Variants in ZNF605 observed in about 807,000 individuals in gnomAD.
ZNF605 encodes zinc finger protein 605.
A neutral mutation model predicts 7.9 loss-of-function variants in ZNF605; 9 were observed. The ratio of observed to expected loss-of-function variants is 1.14; its 90% CI spans 0.68 to 1.98. The LOEUF (loss-of-function observed/expected upper bound fraction) is 1.98, where lower values mean the gene tolerates loss of function less well. Ranked by LOEUF, ZNF605 falls within the 30% of genes most tolerant of loss-of-function variation. The pLI is 0.00. For missense variants in ZNF605, 673 were observed against 762.4 expected, an observed-to-expected ratio of 0.88 and a Z score of 1.38; for synonymous variants, 255 against 260.1, an observed-to-expected ratio of 0.98 and a Z score of 0.19.
At chr12:132,955,303 A>G (rs967148764) in intron 1 of ZNF605, among the ~76,000 whole-genome samples, 12 of 152,176 alleles carry the variant, frequency 7.9e-5, no homozygotes, top group Non-Finnish European at 1.5e-4. Flanking sequence ...GAGCGGGGAA[A>G]GCTTGACCCT....
chr12:132,953,933 C>T (rs1952602388), intron 1 of ZNF605, among the ~76,000 whole-genome samples: 1 of 152,038 alleles, frequency 6.6e-6, no homozygotes, highest in Non-Finnish European at 1.5e-5. Context: ...CCCACCCCAT[C>T]AGTCATTCAG....
intron 1 of ZNF605, 80 bp downstream of exon 1, chr12:132,956,162 AC>A (rs1952635962): frequency 6.6e-6 from 1 of 151,848 alleles, no homozygotes; most frequent in African/African-American, 2.4e-5. Context: ...CAGCGGGGTC[AC>A]CGCGATCCCC....
At chr12:132,947,502 G>A (rs1409087609) in intron 2 of ZNF605, among the ~76,000 whole-genome samples, 6 of 151,984 alleles carry the variant, frequency 3.9e-5, no homozygotes, top group East Asian at 3.9e-4. Flanking sequence ...TTGTAGAGAC[G>A]GGGTTTTGCC....
chr12:132,934,716 A>C (rs961698615), intron 3 of ZNF605, among the ~76,000 whole-genome samples: 33 of 129,410 alleles, frequency 2.6e-4, no homozygotes, highest in Middle Eastern at 3.6e-3. Context: ...AAAAAAAAAA[A>C]AAAAAAGATT....
intron 3 of ZNF605, among the ~76,000 whole-genome samples, chr12:132,939,029 C>G (rs1952401196): frequency 6.6e-6 from 1 of 151,518 alleles, no homozygotes. Context: ...CATGCCTGAG[C>G]CTCCCACCCA....
chr12:132,951,694 A>C (rs997186194), intron 1 of ZNF605, among the ~76,000 whole-genome samples: 2 of 152,052 alleles, frequency 1.3e-5, no homozygotes, highest in Non-Finnish European at 2.9e-5. Flanking sequence ...AAACTCAGAT[A>C]TACACGTACA....
Position 132,943,232 on chromosome 12 carries a change from G to A in ZNF605, c.15+2389C>T, listed in dbSNP as rs1038116540. 8.6e-5 allele frequency among the ~76,000 whole-genome samples: 13 copies of A among 152,016 alleles called. No homozygotes were observed. The South Asian group carries it at 1.3e-3, about 15-fold the overall frequency. ...AAAAAAATTAGCTGGGTGTGGTACC[G>A]CCTGTAGTCCCAGCTACTCGGGAGG... On this transcript the variant is annotated intron_variant, in intron 3 of 4. Coordinates refer to ENST00000360187, the MANE Select transcript of ZNF605 (RefSeq NM_183238.4).
chr12:132,927,172 GA>G lies in ZNF605; in HGVS notation c.137-11del, dbSNP rs1418784366. 8 of 1,521,472 alleles carry G rather than the reference GA, an allele frequency of 5.3e-6. No homozygotes were observed. In the African/African-American group the frequency reaches 9.8e-5, roughly 19 times the overall value. 94.2% of individuals were successfully genotyped at this position (1,521,472 alleles called of 1,614,324 possible). ...TTATCTAGCCAGACTTCTAAAAAGAGAAAAAAATGAACCATACTGTGTAATT... is the reference window on the plus strand; with the variant it reads ...TTATCTAGCCAGACTTCTAAAAAGAGAAAAAATGAACCATACTGTGTAATT... On this transcript the variant is annotated splice_polypyrimidine_tract_variant and intron_variant, in intron 4 of 4. Transcript: ENST00000360187.
intron 3 of ZNF605, among the ~76,000 whole-genome samples, chr12:132,943,682 C>T (rs1952469045): frequency 6.6e-6 from 1 of 152,140 alleles, no homozygotes; most frequent in African/African-American, 2.4e-5. Flanking sequence ...CTACTCCCAG[C>T]CCCTCCCTCC....
At chr12:132,935,548 A>T (rs1410750295) in intron 3 of ZNF605, among the ~76,000 whole-genome samples, 1 of 151,776 alleles carries the variant, frequency 6.6e-6, no homozygotes, top group East Asian at 1.9e-4. Flanking sequence ...TCACAAATAA[A>T]GATTCAAGAA....
rs1952223926 is a variant in ZNF605, at chr12:132,923,856, T to C, written c.*1517A>G. 6.6e-6 allele frequency: 1 copy of C among 152,194 alleles called. No homozygotes were observed. The highest frequency in any genetic ancestry group is 1.9e-4 in the East Asian group (1 of 5,198). 9.4% of individuals were successfully genotyped at this position (152,194 alleles called of 1,614,324 possible). ...CACTACTGTAATGGTTTTCCTATTCTCTTCCTCTTCTCTAAGTCTTTTTTT... is the reference window on the plus strand; with the variant it reads ...CACTACTGTAATGGTTTTCCTATTCCCTTCCTCTTCTCTAAGTCTTTTTTT... On this transcript the variant is annotated 3_prime_UTR_variant, in exon 5 of 5. Transcript: ENST00000360187.
chr12:132,927,515 G>C (rs1291163403), intron 4 of ZNF605, among the ~76,000 whole-genome samples: 1 of 151,924 alleles, frequency 6.6e-6, no homozygotes, highest in Non-Finnish European at 1.5e-5. Flanking sequence ...ACAGGCATGT[G>C]CCACCACACC....
At chr12:132,929,167 G>C (rs777628505) in intron 4 of ZNF605, among the ~76,000 whole-genome samples, 1 of 152,196 alleles carries the variant, frequency 6.6e-6, no homozygotes, top group East Asian at 1.9e-4. Flanking sequence ...CAGCACTTCA[G>C]GGGGCTGAGG....
At chr12:132,943,358 C>CAA (rs1331280015) in intron 3 of ZNF605, among the ~76,000 whole-genome samples, 12 of 98,078 alleles carry the variant, frequency 1.2e-4, no homozygotes, top group Non-Finnish European at 1.5e-4. Flanking sequence ...GACTCCATCT[C>CAA]AAAAAAAAAA....
rs1952441673 is a variant in ZNF605 at position 132,941,584 on chromosome 12, A to G, written c.15+4037T>C. Reference sequence around the variant, plus strand: ...GGGCGTCTGAGGAACCGTATCGCTCACGAGCAACAGGGTAACTGACTGTTG... The same window carrying G: ...GGGCGTCTGAGGAACCGTATCGCTCGCGAGCAACAGGGTAACTGACTGTTG... On this transcript the variant is annotated intron_variant, in intron 3 of 4. Transcript: ENST00000360187. The surrounding 1 kb of genome is among the most constrained non-coding windows in gnomAD (Gnocchi z 5.1). 6.6e-6 allele frequency among the ~76,000 whole-genome samples: 1 copy of G among 152,202 alleles called. No homozygotes were observed. The highest frequency in any genetic ancestry group is 1.5e-5 in the Non-Finnish European group (1 of 68,032).
chr12:132,949,170 A>G (rs1285649495), intron 1 of ZNF605, among the ~76,000 whole-genome samples: 2 of 152,144 alleles, frequency 1.3e-5, no homozygotes, highest in African/African-American at 4.8e-5. Flanking sequence ...TCATCCATAA[A>G]CACTGTGTTC....
At chr12:132,940,044 ACACT>A (rs1952419624) in intron 3 of ZNF605, among the ~76,000 whole-genome samples, 1 of 152,188 alleles carries the variant, frequency 6.6e-6, no homozygotes, top group Non-Finnish European at 1.5e-5. Flanking sequence ...AAGAGCTGTA[ACACT>A]CACCGCGAGG....
rs971231893 is a variant in ZNF605, at chr12:132,926,393, C to T, written c.906G>A (p.Ala302=). ...QKLKLITHQR[A]HTGEKPYPCS... is the part of the protein sequence containing the mutation. ...ATGGATAGGGTTTCTCTCCTGTGTG[C>T]GCTCTCTGATGTGTGATGAGTTTTA... The change falls in exon 5 of 5, where the codon GCG becomes GCA. Residue 302 remains alanine, a synonymous_variant. Coordinates refer to ENST00000360187, the MANE Select transcript of ZNF605 (RefSeq NM_183238.4). The T allele has an allele frequency of 3.7e-5, 60 of 1,613,734 alleles. No homozygotes were observed. The highest frequency in any genetic ancestry group is 2.0e-4 in the African/African-American group (15 of 74,890).
chr12:132,950,643 C>A (rs1399066202), intron 1 of ZNF605, among the ~76,000 whole-genome samples: 1 of 151,348 alleles, frequency 6.6e-6, no homozygotes, highest in Non-Finnish European at 1.5e-5. Flanking sequence ...CTGAGTACAT[C>A]GCACATACAC....
Sources: gnomAD v4.1 joint callset for allele counts (sites outside exome capture counted in the v4.1 genomes callset) on GRCh38, gnomAD v4.1.1 for gene constraint, Gnocchi (gnomAD v3.1) non-coding constraint, MANE v1.5 for transcripts, NCBI Gene and HGNC (gene_info 2026-07-23, HGNC 2026-07-21) for gene names.